INSR: variants seen among roughly 807,000 people sequenced by gnomAD.
The protein encoded by INSR is IR.
INSR carries 67 observed loss-of-function variants against 142.6 expected under a neutral mutation model. That is an observed-to-expected ratio of 0.47 (90% CI 0.39 to 0.58). INSR has a LOEUF of 0.58. Among genes scored for constraint, INSR ranks in the 20% least tolerant of loss-of-function variants. The pLI is 0.00. For synonymous variants in INSR, 756 were observed against 743.1 expected (o/e 1.02, Z -0.28); for missense variants, 1,248 against 1,833.2 (o/e 0.68, Z 5.83).
Position 7,216,290 on chromosome 19 carries a change from C to T in INSR, c.653-31653G>A, listed in dbSNP as rs575404765. 7.2e-5 allele frequency among the ~76,000 whole-genome samples: 11 copies of T among 152,196 alleles called. No homozygotes were observed. The highest frequency in any genetic ancestry group is 1.2e-4 in the Non-Finnish European group (8 of 68,046). ...AGTGAGCTGAGATCGTGCCATTGCA[C>T]TCCAGCCTGGGCAAGAGAGCAAGAC... On this transcript the variant is annotated intron_variant, in intron 2 of 21. Coordinates refer to ENST00000302850, the MANE Select transcript of INSR (RefSeq NM_000208.4). This position sits in a 1 kb window ranked among gnomAD's most constrained non-coding sequence, Gnocchi z 4.2.
chr19:7,180,820 G>T (rs539536593), intron 3 of INSR, among the ~76,000 whole-genome samples: 8 of 152,152 alleles, frequency 5.3e-5, no homozygotes, highest in African/African-American at 1.9e-4. Context: ...AGGGGGCACC[G>T]GAATGAAATG....
chr19:7,151,033 TTCTTTTTTTCA>T (rs1276720690), intron 10 of INSR, among the ~76,000 whole-genome samples: 4 of 134,420 alleles, frequency 3.0e-5, no homozygotes, highest in African/African-American at 1.0e-4. Flanking sequence ...CTTTCCTTCC[TTCTTTTTTTCA>T]TTTTCTTTCT....
intron 2 of INSR, among the ~76,000 whole-genome samples, chr19:7,241,379 G>T (rs546086488): frequency 9.9e-5 from 15 of 152,016 alleles, no homozygotes; most frequent in African/African-American, 3.6e-4. Flanking sequence ...ATGGGGTCTT[G>T]CTATATTGCC....
intron 2 of INSR, among the ~76,000 whole-genome samples, chr19:7,227,011 A>G (rs868751651): frequency 2.6e-5 from 4 of 152,326 alleles, no homozygotes; most frequent in Middle Eastern, 3.4e-3. Flanking sequence ...TTGGACACCA[A>G]TGAAATAAGA....
chr19:7,181,560 CTTTT>C (rs369084103), intron 3 of INSR, among the ~76,000 whole-genome samples: 3 of 137,022 alleles, frequency 2.2e-5, no homozygotes, highest in Admixed American at 7.3e-5. Context: ...ATGGTGAGAC[CTTTT>C]TTTTTTTTTT....
intron 2 of INSR, among the ~76,000 whole-genome samples, chr19:7,203,545 T>TA (rs1176328735): frequency 6.6e-6 from 1 of 152,080 alleles, no homozygotes; most frequent in African/African-American, 2.4e-5. Flanking sequence ...ATCTCAACCA[T>TA]AAAAAAGTTC....
At position 7,230,828 on chromosome 19, in the gene INSR, A is replaced by G. The variant is rs532916494; in HGVS notation, c.652+36517T>C. On this transcript the variant is annotated intron_variant, in intron 2 of 21. Transcript: ENST00000302850. ...CTCAAAAATAAAAAAAAAATAAAAA[A>G]TATTAGCTCAAGGCCTCCTCTAGGA... Among the ~76,000 whole-genome samples, 359 of 150,792 alleles carry G rather than the reference A, an allele frequency of 2.4e-3. 6 individuals are homozygous for G. The highest frequency in any genetic ancestry group is 8.3e-3 in the African/African-American group (343 of 41,112).
At chr19:7,217,171 A>C (rs1271463309) in intron 2 of INSR, among the ~76,000 whole-genome samples, 3 of 152,042 alleles carry the variant, frequency 2.0e-5, no homozygotes, top group Non-Finnish European at 2.9e-5. Context: ...GCCCAAAATG[A>C]GTCTTACAGG....
At chr19:7,239,736 AT>A (rs1298633556) in intron 2 of INSR, among the ~76,000 whole-genome samples, 5 of 152,160 alleles carry the variant, frequency 3.3e-5, no homozygotes, top group Admixed American at 6.6e-5. Flanking sequence ...CATGTGGCTT[AT>A]TCATACAAGA....
chr19:7,280,783 C>T (rs1238558919), intron 1 of INSR, among the ~76,000 whole-genome samples: 1 of 151,844 alleles, frequency 6.6e-6, no homozygotes, highest in East Asian at 1.9e-4. Context: ...ATCCCAGCTA[C>T]TCAGGAGGCT....
At chr19:7,126,099 C>T (rs986588946) in intron 16 of INSR, among the ~76,000 whole-genome samples, 2 of 152,158 alleles carry the variant, frequency 1.3e-5, no homozygotes, top group African/African-American at 4.8e-5. Flanking sequence ...CAACAGAGGA[C>T]CATGGAATGA....
At chr19:7,246,556 C>T (rs974949991) in intron 2 of INSR, among the ~76,000 whole-genome samples, 3 of 152,120 alleles carry the variant, frequency 2.0e-5, no homozygotes, top group Non-Finnish European at 4.4e-5. Flanking sequence ...GAAAACTTGC[C>T]CAGCGACCCA....
At chr19:7,176,876 G>A (rs1974146153) in intron 3 of INSR, among the ~76,000 whole-genome samples, 1 of 152,188 alleles carries the variant, frequency 6.6e-6, no homozygotes, top group African/African-American at 2.4e-5. Flanking sequence ...ACCTTGAGAT[G>A]ATGGGCCTGA....
intron 1 of INSR, among the ~76,000 whole-genome samples, chr19:7,282,808 C>T (rs1968242054): frequency 6.6e-6 from 1 of 150,574 alleles, no homozygotes; most frequent in Non-Finnish European, 1.5e-5. Context: ...CCCGTCTCTA[C>T]TAAAAATACA....
intron 2 of INSR, among the ~76,000 whole-genome samples, chr19:7,231,083 C>T (rs900784051): frequency 6.6e-6 from 1 of 152,158 alleles, no homozygotes; most frequent in Non-Finnish European, 1.5e-5. Context: ...AGGAGCCACA[C>T]CAGCTCGCTG....
intron 2 of INSR, among the ~76,000 whole-genome samples, chr19:7,202,591 C>T (rs1050893516): frequency 2.0e-5 from 3 of 152,076 alleles, no homozygotes; most frequent in East Asian, 1.9e-4. Flanking sequence ...CCTCTGCCCC[C>T]GGGGTTCAAG....
chr19:7,272,611 C>T (rs1967957516), intron 1 of INSR, among the ~76,000 whole-genome samples: 1 of 152,038 alleles, frequency 6.6e-6, no homozygotes, highest in African/African-American at 2.4e-5. Flanking sequence ...GAGCAAAACT[C>T]CATCTCAAAA....
intron 2 of INSR, among the ~76,000 whole-genome samples, chr19:7,213,112 G>A (rs112314402): frequency 0.042 from 6,403 of 152,156 alleles, 446 homozygotes; most frequent in African/African-American, 0.14. Context: ...TTGGGAGGCC[G>A]AAGTGGGCGG....
chr19:7,260,316 C>T (rs578049413), intron 2 of INSR, among the ~76,000 whole-genome samples: 93 of 152,232 alleles, frequency 6.1e-4, no homozygotes, highest in African/African-American at 2.0e-3. Context: ...CCAGCATGTC[C>T]CGGCCTCACC....
Sources: allele counts gnomAD v4.1 joint callset (sites outside exome capture counted in the v4.1 genomes callset), GRCh38; gene constraint gnomAD v4.1.1; non-coding constraint Gnocchi (gnomAD v3.1); transcripts MANE v1.5; gene names NCBI Gene and HGNC (gene_info 2026-07-23, HGNC 2026-07-21).